The following SHISA9 variants were observed in gnomAD, a reference collection of about 807,000 sequenced individuals.
SHISA9 encodes shisa family member 9.
A neutral mutation model predicts 38.0 loss-of-function variants in SHISA9; 13 were observed. The observed-to-expected ratio is 0.34, with a 90% CI of 0.22 to 0.54. SHISA9 has a LOEUF of 0.54. Among genes scored for constraint, SHISA9 ranks in the 20% least tolerant of loss-of-function variants. The pLI is 0.91. For missense variants in SHISA9, 538 were observed against 575.8 expected (o/e 0.93, Z 0.67); for synonymous variants, 275 against 242.0 (o/e 1.14, Z -1.27).
At chr16:13,469,242 G>GA in the SHISA9 span, among the ~76,000 whole-genome samples, 125 of 125,900 alleles carry the variant, frequency 9.9e-4, no homozygotes, top group Non-Finnish European at 1.8e-3. Flanking sequence ...ACTCTGCCAA[G>GA]AAAAAAAAAG....
intron 2 of SHISA9, among the ~76,000 whole-genome samples, chr16:13,036,785 G>A (rs76767763): frequency 0.027 from 4,073 of 150,926 alleles, 103 homozygotes; most frequent in East Asian, 0.073. Flanking sequence ...GGCAATTCAG[G>A]ACCACGGACA....
At chr16:13,391,575 A>T in the SHISA9 span, among the ~76,000 whole-genome samples, 1 of 152,186 alleles carries the variant, frequency 6.6e-6, no homozygotes, top group Non-Finnish European at 1.5e-5. Flanking sequence ...GGGAGTTCCA[A>T]GCCAGTGGTT....
intron 1 of SHISA9, among the ~76,000 whole-genome samples, chr16:12,912,446 G>A (rs1395827639): frequency 3.3e-5 from 5 of 152,226 alleles, no homozygotes; most frequent in African/African-American, 4.8e-5. Flanking sequence ...GTTTTGGGGC[G>A]CGGGAGAGTG....
chr16:13,049,117 C>G (rs572588581), intron 2 of SHISA9, among the ~76,000 whole-genome samples: 1 of 151,344 alleles, frequency 6.6e-6, no homozygotes. Flanking sequence ...CTGACAGATC[C>G]AAAGGCTTGA....
chr16:13,425,506 A>G, the SHISA9 span, among the ~76,000 whole-genome samples: 1 of 151,572 alleles, frequency 6.6e-6, no homozygotes, highest in South Asian at 2.1e-4. Flanking sequence ...CAAAAACTAA[A>G]ACAAACATAA....
At chr16:13,404,159 C>T in the SHISA9 span, among the ~76,000 whole-genome samples, 1 of 152,138 alleles carries the variant, frequency 6.6e-6, no homozygotes, top group Non-Finnish European at 1.5e-5. Flanking sequence ...AAATTCCCTT[C>T]TTCACTCAAC....
the SHISA9 span, among the ~76,000 whole-genome samples, chr16:13,248,594 C>T: frequency 1.3e-5 from 2 of 152,266 alleles, no homozygotes; most frequent in East Asian, 1.9e-4. Context: ...CCAACCTTGT[C>T]GTGTTGTTTG....
chr16:13,251,862 C>T, the SHISA9 span, among the ~76,000 whole-genome samples: 2 of 152,184 alleles, frequency 1.3e-5, no homozygotes, highest in East Asian at 1.9e-4. Flanking sequence ...GATGGTCATC[C>T]AACAATTGAC....
At chr16:12,913,759 A>G (rs1447402828) in intron 1 of SHISA9, among the ~76,000 whole-genome samples, 1 of 152,200 alleles carries the variant, frequency 6.6e-6, no homozygotes, top group Non-Finnish European at 1.5e-5. Flanking sequence ...ATGGAATCAT[A>G]CAATGTGTGG....
chr16:13,545,768 A>T, the SHISA9 span, among the ~76,000 whole-genome samples: 3 of 152,026 alleles, frequency 2.0e-5, no homozygotes, highest in Non-Finnish European at 1.5e-5. Context: ...TTTGTATCAG[A>T]ACTCTCCATG....
the SHISA9 span, among the ~76,000 whole-genome samples, chr16:13,473,055 A>ATTAGAT: frequency 6.6e-6 from 1 of 152,306 alleles, no homozygotes; most frequent in African/African-American, 2.4e-5. Context: ...ATTAGATGCC[A>ATTAGAT]GTCATTGTAA....
chr16:13,049,715 C>G lies in SHISA9; in HGVS notation c.691+132900C>G, dbSNP rs75899631. Reference sequence around the variant, plus strand: ...AAAGGATAATGAGTCCTCATTTCCTCCTGCTGCTTCTCCTCCTTGGGCAGT... The same window carrying G: ...AAAGGATAATGAGTCCTCATTTCCTGCTGCTGCTTCTCCTCCTTGGGCAGT... On this transcript the variant is annotated intron_variant, in intron 2 of 4. Transcript: ENST00000558583. Among the ~76,000 whole-genome samples, 85 of 152,256 alleles carry G rather than the reference C, an allele frequency of 5.6e-4. 1 individual carries two copies. The East Asian group carries it at 0.015, about 26-fold the overall frequency.
intron 2 of SHISA9, among the ~76,000 whole-genome samples, chr16:13,028,703 GC>G: frequency 1.3e-5 from 2 of 152,290 alleles, no homozygotes; most frequent in South Asian, 4.2e-4. Flanking sequence ...CAGCAGTTTT[GC>G]CCCTCAGCTC....
At chr16:13,227,169 G>T (rs204032) in intron 4 of SHISA9, among the ~76,000 whole-genome samples, 1 of 152,028 alleles carries the variant, frequency 6.6e-6, no homozygotes. Flanking sequence ...ATTGTCTTTC[G>T]TATTTCAAGT....
intron 2 of SHISA9, among the ~76,000 whole-genome samples, chr16:12,939,066 C>T (rs1381592294): frequency 6.6e-6 from 1 of 151,938 alleles, no homozygotes; most frequent in Non-Finnish European, 1.5e-5. Context: ...CTCCCCTCCT[C>T]TCCTTTCCTC....
the SHISA9 span, among the ~76,000 whole-genome samples, chr16:13,316,285 T>G: frequency 6.6e-6 from 1 of 151,952 alleles, no homozygotes; most frequent in South Asian, 2.1e-4. Flanking sequence ...ACAGAGAACG[T>G]GTCCAGAGTG....
At chr16:13,326,879 A>AT in the SHISA9 span, among the ~76,000 whole-genome samples, 103,574 of 151,884 alleles carry the variant, frequency 0.68, 35,742 homozygotes, top group African/African-American at 0.76. Context: ...ACCTACTTTT[A>AT]TTTTTTGTTT....
chr16:13,532,570 TG>T, the SHISA9 span, among the ~76,000 whole-genome samples: 4 of 152,020 alleles, frequency 2.6e-5, no homozygotes, highest in South Asian at 2.1e-4. Context: ...TGTGTGTGTG[TG>T]TGTGTGTGTG....
chr16:12,967,257 T>C (rs964438822), intron 2 of SHISA9, among the ~76,000 whole-genome samples: 5 of 152,172 alleles, frequency 3.3e-5, no homozygotes, highest in Non-Finnish European at 5.9e-5. Flanking sequence ...ATGTCGTTTG[T>C]AGGGACATAG....
Sources: allele counts gnomAD v4.1 joint callset (sites outside exome capture counted in the v4.1 genomes callset), GRCh38; gene constraint gnomAD v4.1.1; transcripts MANE v1.5; gene names NCBI Gene and HGNC (gene_info 2026-07-23, HGNC 2026-07-21).